MED12L: variants seen among roughly 807,000 people sequenced by gnomAD.
MED12L encodes the protein mediator complex subunit 12L.
Under a neutral mutation model 281.3 loss-of-function variants are expected in MED12L, and 60 were observed. That is an observed-to-expected ratio of 0.21 (90% CI 0.17 to 0.26). The LOEUF (loss-of-function observed/expected upper bound fraction) is 0.26. Among genes scored for constraint, MED12L ranks in the 10% least tolerant of loss-of-function variants. MED12L has a pLI of 1.00. For missense variants in MED12L, 2,146 were observed against 2,680.9 expected (o/e 0.80, Z 4.41); for synonymous variants, 974 against 987.2 (o/e 0.99, Z 0.25).
chr3:151,338,999 C>T (rs1751429965), intron 16 of MED12L: 1 of 712,872 alleles, frequency 1.4e-6, no homozygotes, highest in African/African-American at 1.8e-5. Flanking sequence ...AGTATGAACA[C>T]AGAAAACTGA....
chr3:151,313,528 A>T (rs989435299), intron 16 of MED12L, among the ~76,000 whole-genome samples: 1 of 146,308 alleles, frequency 6.8e-6, no homozygotes, highest in African/African-American at 2.5e-5. Context: ...TTTATACCTT[A>T]AGGTTGTCTG....
At chr3:151,262,975 T>C (rs1406985159) in intron 16 of MED12L, among the ~76,000 whole-genome samples, 1 of 152,194 alleles carries the variant, frequency 6.6e-6, no homozygotes, top group South Asian at 2.1e-4. Context: ...CGTAGTTCTC[T>C]AGGGCATCTT....
intron 36 of MED12L, among the ~76,000 whole-genome samples, chr3:151,387,206 T>A (rs951903065): frequency 1.6e-4 from 25 of 152,090 alleles, no homozygotes; most frequent in African/African-American, 5.8e-4. Context: ...AACCGTTTTT[T>A]TTTTTCTAGA....
In MED12L at chr3:151,212,747, A is replaced by G. The variant is rs149078299; in HGVS notation, c.2250+19081A>G. On this transcript the variant is annotated intron_variant, in intron 16 of 44. Coordinates refer to ENST00000687756, the MANE Select transcript of MED12L (RefSeq NM_001393769.1). Reference sequence around the variant, plus strand: ...CTTTGCAGTGCCATGAAATACATCAATAAGGGGTTTCTTAAGTGATTGTCT... The same window carrying G: ...CTTTGCAGTGCCATGAAATACATCAGTAAGGGGTTTCTTAAGTGATTGTCT... 2.6e-5 allele frequency: 4 copies of G among 152,196 alleles called. No individual in the cohort carries two copies. The East Asian group carries it at 5.8e-4, about 22-fold the overall frequency. The allele number at this position is 152,196 out of a possible 1,614,324, so 9.4% of individuals were successfully genotyped here.
chr3:151,356,861 T>C (rs930891872), intron 19 of MED12L, among the ~76,000 whole-genome samples: 1 of 152,170 alleles, frequency 6.6e-6, no homozygotes, highest in Admixed American at 6.5e-5. Context: ...ATAGGAGATA[T>C]TAACTTTGTT....
At position 151,112,608 on chromosome 3, in the gene MED12L, G is replaced by A. The variant is rs192282184; in HGVS notation, c.100-3730G>A. Among the ~76,000 whole-genome samples, 326 of 152,248 alleles carry A rather than the reference G, an allele frequency of 2.1e-3. 3 individuals are homozygous for A. The highest frequency in any genetic ancestry group is 6.8e-3 in the Middle Eastern group (2 of 294). On this transcript the variant is annotated intron_variant, in intron 2 of 44. Transcript: ENST00000687756. Reference sequence around the variant, plus strand: ...TTTCCTGTTGAAGTGCCTATTTTAAGTTACTTTCCTTTTTAAAAATTTTAG... The same window carrying A: ...TTTCCTGTTGAAGTGCCTATTTTAAATTACTTTCCTTTTTAAAAATTTTAG...
chr3:151,242,372 C>A (rs1009083233), intron 16 of MED12L, among the ~76,000 whole-genome samples: 39 of 152,370 alleles, frequency 2.6e-4, no homozygotes, highest in African/African-American at 8.2e-4. Context: ...TTAAATGTCC[C>A]TGTCTGACAG....
chr3:151,094,501 A>G (rs1316944699), intron 2 of MED12L, among the ~76,000 whole-genome samples: 2 of 152,208 alleles, frequency 1.3e-5, no homozygotes, highest in African/African-American at 4.8e-5. Context: ...ATTCCTCCCC[A>G]AAAAGGGAGC....
chr3:151,296,120 A>G (rs953493642), intron 16 of MED12L, among the ~76,000 whole-genome samples: 5 of 152,226 alleles, frequency 3.3e-5, no homozygotes, highest in Non-Finnish European at 7.3e-5. Flanking sequence ...AAAGAGGACA[A>G]CTTGTTAAAA....
At chr3:151,210,863 A>G (rs1344181858) in intron 16 of MED12L, among the ~76,000 whole-genome samples, 2 of 152,238 alleles carry the variant, frequency 1.3e-5, no homozygotes, top group African/African-American at 4.8e-5. Flanking sequence ...GCAGACTGTC[A>G]TTAGCTTCCC....
chr3:151,246,637 C>T, intron 16 of MED12L, among the ~76,000 whole-genome samples: 1 of 152,194 alleles, frequency 6.6e-6, no homozygotes, highest in Non-Finnish European at 1.5e-5. Flanking sequence ...GGATTAAAGA[C>T]TTAAACGTTA....
chr3:151,190,914 C>T lies in MED12L; in HGVS notation c.1951C>T (p.His651Tyr). 1 of 1,614,068 alleles carries T rather than the reference C, an allele frequency of 6.2e-7. No homozygotes were observed. The highest frequency in any genetic ancestry group is 8.5e-7 in the Non-Finnish European group (1 of 1,179,984). ...TGCAGATGAACACTATTCAAAGGAC[C>T]ATGATGTGAAAATGGAGGTATGGCC... ...ENADEHYSKDHDVKMEEQSIM... is the reference protein window; with the variant it reads ...ENADEHYSKDYDVKMEEQSIM... Residue 651 changes from histidine to tyrosine, a missense_variant, in exon 14 of 45, where the codon CAT (histidine) becomes TAT (tyrosine). Transcript: ENST00000687756.
rs191414736 is a variant in MED12L at position 151,169,727 on chromosome 3, G to A, written c.1494+3745G>A. Among the ~76,000 whole-genome samples the A allele has an allele frequency of 2.2e-3, 337 of 152,292 alleles. 8 individuals carry two copies. The South Asian group carries it at 0.057, about 26-fold the overall frequency. ...ATGCTGTTCTCTGATAAGGAGTTAC[G>A]TGTGGTTAGGATTCAGAAATTGGTC... On this transcript the variant is annotated intron_variant, in intron 11 of 44. Transcript: ENST00000687756.
intron 16 of MED12L, among the ~76,000 whole-genome samples, chr3:151,309,254 T>C (rs1399413217): frequency 2.0e-5 from 3 of 152,226 alleles, no homozygotes; most frequent in Non-Finnish European, 4.4e-5. Context: ...TAGGAATATT[T>C]GAATTAAAAT....
intron 32 of MED12L, among the ~76,000 whole-genome samples, chr3:151,380,974 A>C (rs1260199159): frequency 1.3e-5 from 2 of 152,182 alleles, no homozygotes; most frequent in African/African-American, 4.8e-5. Context: ...CACAAGAAAT[A>C]AATCAGAAGG....
chr3:151,287,694 T>A (rs181510314), intron 16 of MED12L, among the ~76,000 whole-genome samples: 20 of 152,288 alleles, frequency 1.3e-4, no homozygotes, highest in Admixed American at 6.5e-4. Flanking sequence ...AAGGTTCTTG[T>A]GGCGATTTAA....
At chr3:151,265,726 T>C (rs568733492) in intron 16 of MED12L, among the ~76,000 whole-genome samples, 2 of 152,330 alleles carry the variant, frequency 1.3e-5, no homozygotes, top group South Asian at 4.1e-4. Context: ...AGACGGATGG[T>C]GTCCCCATCT....
chr3:151,095,988 T>A (rs1720659226), intron 2 of MED12L, among the ~76,000 whole-genome samples: 1 of 152,246 alleles, frequency 6.6e-6, no homozygotes, highest in Non-Finnish European at 1.5e-5. Context: ...AAAATATTTG[T>A]TTCCTGTCTG....
intron 44 of MED12L, among the ~76,000 whole-genome samples, chr3:151,431,693 T>C (rs1410959106): frequency 6.6e-6 from 1 of 152,176 alleles, no homozygotes; most frequent in Non-Finnish European, 1.5e-5. Flanking sequence ...TAACTATGAT[T>C]TTTATAAAGT....
Sources: gnomAD v4.1 joint callset for allele counts (sites outside exome capture counted in the v4.1 genomes callset) on GRCh38, gnomAD v4.1.1 for gene constraint, MANE v1.5 for transcripts, NCBI Gene and HGNC (gene_info 2026-07-23, HGNC 2026-07-21) for gene names.